The following LGR6 variants were observed in gnomAD, a reference collection of about 807,000 sequenced individuals.
The protein encoded by LGR6 is leucine rich repeat containing G protein-coupled receptor 6, also known as leucine-rich repeat-containing G protein-coupled receptor 6.
A neutral mutation model predicts 69.4 loss-of-function variants in LGR6; 45 were observed. That is an observed-to-expected ratio of 0.65 (90% confidence interval 0.51 to 0.83). The LOEUF (loss-of-function observed/expected upper bound fraction) is 0.83, where lower values mean the gene tolerates loss of function less well. LGR6 is among the 40% of genes least tolerant of loss of function. The pLI is 0.00. For synonymous variants in LGR6, 538 were observed against 555.0 expected, an observed-to-expected ratio of 0.97 and a Z score of 0.43; for missense variants, 1,108 against 1,246.7, an observed-to-expected ratio of 0.89 and a Z score of 1.68.
At chr1:202,250,283 C>G (rs1381051586) in intron 4 of LGR6, among the ~76,000 whole-genome samples, 2 of 152,224 alleles carry the variant, frequency 1.3e-5, no homozygotes, top group Non-Finnish European at 2.9e-5. Flanking sequence ...CCAGAACAGC[C>G]TGCAATCCTA....
intron 3 of LGR6, among the ~76,000 whole-genome samples, chr1:202,229,594 T>C (rs1660842562): frequency 6.6e-6 from 1 of 152,248 alleles, no homozygotes; most frequent in African/African-American, 2.4e-5. Flanking sequence ...CTTCTTTGCC[T>C]GCATTAGGCA....
intron 4 of LGR6, among the ~76,000 whole-genome samples, chr1:202,269,307 A>G (rs1456703339): frequency 6.6e-6 from 1 of 152,144 alleles, no homozygotes; most frequent in Non-Finnish European, 1.5e-5. Context: ...GGAGGCAACC[A>G]GGCTGGTGTG....
rs958152793 is a variant in LGR6, at chr1:202,201,387, T to A, written c.212+7186T>A. On this transcript the variant is annotated intron_variant, in intron 1 of 17. Coordinates refer to ENST00000367278, the MANE Select transcript of LGR6 (RefSeq NM_001017403.2). ...ATAGTAATAACCAGCGTTTATTGAA[T>A]GATTGGCATGTGGCAGGAAGTGCGC... Among the ~76,000 whole-genome samples the A allele has an allele frequency of 3.9e-5, 6 of 152,236 alleles. No homozygotes were observed. The East Asian group carries it at 7.7e-4, about 20-fold the overall frequency.
At chr1:202,251,429 C>T (rs930640246) in intron 4 of LGR6, among the ~76,000 whole-genome samples, 4 of 152,174 alleles carry the variant, frequency 2.6e-5, no homozygotes, top group African/African-American at 7.2e-5. Context: ...AATGGAGAGG[C>T]AGGAGCTACA....
intron 1 of LGR6, among the ~76,000 whole-genome samples, chr1:202,208,803 C>T (rs143643358): frequency 6.6e-6 from 1 of 152,232 alleles, no homozygotes; most frequent in Non-Finnish European, 1.5e-5. Context: ...TGTTGCGGGG[C>T]CCAGGGCACC....
At chr1:202,214,466 G>T (rs1659628118) in intron 1 of LGR6, among the ~76,000 whole-genome samples, 1 of 151,814 alleles carries the variant, frequency 6.6e-6, no homozygotes, top group Admixed American at 6.6e-5. Context: ...GCGGGCTGGG[G>T]TGGGCAGGGG....
At chr1:202,227,261 G>A (rs747304210) in intron 2 of LGR6, among the ~76,000 whole-genome samples, 1 of 152,104 alleles carries the variant, frequency 6.6e-6, no homozygotes, top group Non-Finnish European at 1.5e-5. Context: ...AATGTCCCTG[G>A]GGACTTTGGA....
chr1:202,221,029 G>C (rs1660122260), intron 1 of LGR6, among the ~76,000 whole-genome samples: 1 of 152,116 alleles, frequency 6.6e-6, no homozygotes, highest in Non-Finnish European at 1.5e-5. Flanking sequence ...CCTTTTCCTG[G>C]CTGCAGAGAT....
rs1472998179 is a variant in LGR6, at chr1:202,268,557, T to C, written c.429-7749T>C. Among the ~76,000 whole-genome samples, 1 of 152,048 alleles carries C rather than the reference T, an allele frequency of 6.6e-6. No homozygotes were observed. The highest frequency in any genetic ancestry group is 1.5e-5 in the Non-Finnish European group (1 of 68,008). ...CCCCTCCCCACCCACATCTTTTCTCTATTCTCTCCCTTCCTGTGTTCAACT... is the reference window on the plus strand; with the variant it reads ...CCCCTCCCCACCCACATCTTTTCTCCATTCTCTCCCTTCCTGTGTTCAACT... On this transcript the variant is annotated intron_variant, in intron 4 of 17. Transcript: ENST00000367278. This position sits in a 1 kb window ranked among gnomAD's most constrained non-coding sequence, Gnocchi z 4.4.
intron 1 of LGR6, among the ~76,000 whole-genome samples, chr1:202,214,775 G>T (rs1659652164): frequency 6.6e-6 from 1 of 152,184 alleles, no homozygotes. Flanking sequence ...GCGGAAAGGT[G>T]GCGAAACCTC....
In LGR6 at chr1:202,249,060, T is replaced by C. The variant is rs570293947; in HGVS notation, c.428+13067T>C. Among the ~76,000 whole-genome samples, 97 of 152,240 alleles carry C rather than the reference T, an allele frequency of 6.4e-4. No homozygotes were observed. In the South Asian group the frequency reaches 0.012, roughly 19 times the overall value. On this transcript the variant is annotated intron_variant, in intron 4 of 17. Coordinates refer to ENST00000367278, the MANE Select transcript of LGR6 (RefSeq NM_001017403.2). ...GTACCTTCCTCAGGCTGATCTCCAT[T>C]CAGCAGCAGGGCCACCAGTACCACT...
rs149633725 is a variant in LGR6, at chr1:202,245,832, G to A, written c.428+9839G>A. ...CCCTTCCTGAGCAGCTGATGCCAGT[G>A]CAGAGCCCTGGCCTGAGTTCTGGGT... On this transcript the variant is annotated intron_variant, in intron 4 of 17. Transcript: ENST00000367278. 3.3e-3 allele frequency among the ~76,000 whole-genome samples: 502 copies of A among 152,206 alleles called. 1 individual carries two copies. The highest frequency in any genetic ancestry group is 5.6e-3 in the Non-Finnish European group (378 of 67,988).
intron 17 of LGR6, 38 bp downstream of exon 17, chr1:202,314,920 G>A (rs1419352280): frequency 6.7e-7 from 1 of 1,502,014 alleles, no homozygotes. Context: ...GAGGGGGAAT[G>A]GAGAAAGGGC....
chr1:202,197,468 C>T (rs1658686416), intron 1 of LGR6: 1 of 533,246 alleles, frequency 1.9e-6, no homozygotes, highest in Non-Finnish European at 3.8e-6. Flanking sequence ...GGCTCATTGA[C>T]ACTCACCGGG....
chr1:202,256,663 T>C (rs776561479), intron 4 of LGR6, among the ~76,000 whole-genome samples: 79 of 152,376 alleles, frequency 5.2e-4, no homozygotes, highest in Middle Eastern at 3.4e-3. Flanking sequence ...TTATGAATAA[T>C]GCTGCTAAAA....
chr1:202,239,058 G>A (rs1268675820), intron 4 of LGR6, among the ~76,000 whole-genome samples: 5 of 152,260 alleles, frequency 3.3e-5, no homozygotes, highest in African/African-American at 9.6e-5. Flanking sequence ...AACAGGGGGC[G>A]TCTCGGTCTG....
intron 1 of LGR6, among the ~76,000 whole-genome samples, chr1:202,210,446 A>C (rs972585769): frequency 1.0e-4 from 15 of 149,502 alleles, no homozygotes; most frequent in Non-Finnish European, 1.8e-4. Context: ...AAAAAAAACA[A>C]AAACCCTAGG....
chr1:202,314,743 G>T, intron 16 of LGR6, 59 bp from the exon 17 acceptor site: 1 of 1,220,884 alleles, frequency 8.2e-7, no homozygotes, highest in Non-Finnish European at 1.2e-6. Context: ...TTTGGAGAAA[G>T]GTAGGGCTTG....
chr1:202,309,806 A>G (rs997245924), intron 15 of LGR6, among the ~76,000 whole-genome samples: 8 of 152,256 alleles, frequency 5.3e-5, no homozygotes, highest in African/African-American at 9.6e-5. Context: ...AGAAGAATCC[A>G]TGTGGCCTTA....
Sources: allele counts gnomAD v4.1 joint callset (sites outside exome capture counted in the v4.1 genomes callset), GRCh38; gene constraint gnomAD v4.1.1; non-coding constraint Gnocchi (gnomAD v3.1); transcripts MANE v1.5; gene names NCBI Gene and HGNC (gene_info 2026-07-23, HGNC 2026-07-21).